The following SLC24A3 variants were observed in gnomAD, a reference collection of about 807,000 sequenced individuals.
The protein encoded by SLC24A3 is solute carrier family 24 member 3.
SLC24A3 carries 28 observed loss-of-function variants against 75.8 expected under a neutral mutation model. The observed-to-expected ratio is 0.37, with a 90% CI of 0.27 to 0.51. The LOEUF is 0.51. Ranked by LOEUF, SLC24A3 falls within the 20% of genes least tolerant of loss-of-function variation. SLC24A3 has a pLI of 0.94. For synonymous variants in SLC24A3, 372 were observed against 334.1 expected (o/e 1.11, Z -1.24); for missense variants, 663 against 847.8 (o/e 0.78, Z 2.71).
At chr20:19,717,451 C>T (rs2033056224) in intron 15 of SLC24A3, 77 bp from the exon 16 acceptor site, 2 of 1,460,334 alleles carry the variant, frequency 1.4e-6, no homozygotes, top group Middle Eastern at 1.8e-4. Flanking sequence ...GTTGCGTAGG[C>T]AGATGCCTTT....
intron 1 of SLC24A3, among the ~76,000 whole-genome samples, chr20:19,253,348 G>A (rs560155507): frequency 6.6e-6 from 1 of 152,172 alleles, no homozygotes; most frequent in Admixed American, 6.5e-5. Context: ...TTAGACTCTG[G>A]GGTCTGATGA....
intron 2 of SLC24A3, among the ~76,000 whole-genome samples, chr20:19,453,274 C>G (rs542086521): frequency 9.9e-5 from 15 of 152,114 alleles, no homozygotes; most frequent in Non-Finnish European, 1.6e-4. Flanking sequence ...TGTTTGAGCC[C>G]AGGAGTTTGA....
rs1985703405 is a variant in SLC24A3 at position 19,357,253 on chromosome 20, GC to G, written c.271+76167del. On this transcript the variant is annotated intron_variant, in intron 2 of 16. Coordinates refer to ENST00000328041, the MANE Select transcript of SLC24A3 (RefSeq NM_020689.4). ...GGCAAGGAACAGATTCCTTCTTAGA[GC>G]TTCTGGAGGGGGCATGGCTCTGCTG... Among the ~76,000 whole-genome samples the G allele has an allele frequency of 2.6e-5, 4 of 152,292 alleles. No individual in the cohort carries two copies. In the South Asian group the frequency reaches 8.3e-4, roughly 32 times the overall value.
At chr20:19,462,251 G>A (rs540942210) in intron 2 of SLC24A3, among the ~76,000 whole-genome samples, 1 of 151,730 alleles carries the variant, frequency 6.6e-6, no homozygotes, top group South Asian at 2.1e-4. Flanking sequence ...GTGGGTGTGG[G>A]GAGGCAGATG....
chr20:19,225,918 T>C (rs1981856370), intron 1 of SLC24A3, among the ~76,000 whole-genome samples: 1 of 152,198 alleles, frequency 6.6e-6, no homozygotes, highest in Admixed American at 6.5e-5. Context: ...GGTTTGTAAT[T>C]CCTTTTTCTT....
At chr20:19,591,329 A>C (rs548501512) in intron 6 of SLC24A3, among the ~76,000 whole-genome samples, 34 of 152,302 alleles carry the variant, frequency 2.2e-4, no homozygotes, top group African/African-American at 5.8e-4. Context: ...GTAACAACAA[A>C]AAAAAAATCC....
intron 2 of SLC24A3, among the ~76,000 whole-genome samples, chr20:19,328,929 C>A (rs1984931522): frequency 6.6e-6 from 1 of 152,174 alleles, no homozygotes; most frequent in Non-Finnish European, 1.5e-5. Context: ...GCAGAGGAGG[C>A]TCGGAGGAGC....
At chr20:19,419,701 C>T (rs1221803569) in intron 2 of SLC24A3, among the ~76,000 whole-genome samples, 1 of 152,038 alleles carries the variant, frequency 6.6e-6, no homozygotes, top group African/African-American at 2.4e-5. Context: ...CCTGCCTTCC[C>T]GTGGGAGGCA....
intron 2 of SLC24A3, among the ~76,000 whole-genome samples, chr20:19,294,503 G>T (rs1407525275): frequency 6.6e-6 from 1 of 152,074 alleles, no homozygotes; most frequent in Non-Finnish European, 1.5e-5. Context: ...TCATTGTTCA[G>T]CTCCTACTTA....
At chr20:19,560,319 C>T (rs1568656214) in intron 3 of SLC24A3, among the ~76,000 whole-genome samples, 1 of 152,222 alleles carries the variant, frequency 6.6e-6, no homozygotes, top group South Asian at 2.1e-4. Flanking sequence ...GTCACTGAGG[C>T]ATCAATTCCT....
rs1310714825 is a variant in SLC24A3 at position 19,454,316 on chromosome 20, G to A, written c.272-61172G>A. Among the ~76,000 whole-genome samples the A allele has an allele frequency of 6.6e-5, 10 of 152,124 alleles. 1 individual carries two copies. The South Asian group carries it at 1.9e-3, about 28-fold the overall frequency. On this transcript the variant is annotated intron_variant, in intron 2 of 16. Coordinates refer to ENST00000328041, the MANE Select transcript of SLC24A3 (RefSeq NM_020689.4). ...ATAATAGATTTAAGGTTCATTGAGGGCATCTTTTGCACTGATAATTTATTT... is the reference window on the plus strand; with the variant it reads ...ATAATAGATTTAAGGTTCATTGAGGACATCTTTTGCACTGATAATTTATTT...
intron 2 of SLC24A3, among the ~76,000 whole-genome samples, chr20:19,286,230 C>T (rs1450821565): frequency 6.6e-6 from 1 of 152,160 alleles, no homozygotes; most frequent in Admixed American, 6.5e-5. Flanking sequence ...CAGCTATTGA[C>T]TGGCCCGAAG....
At chr20:19,225,606 T>G (rs1981848771) in intron 1 of SLC24A3, among the ~76,000 whole-genome samples, 1 of 152,208 alleles carries the variant, frequency 6.6e-6, no homozygotes, top group Non-Finnish European at 1.5e-5. Context: ...ATTCATACCC[T>G]TCTTCCATCT....
At chr20:19,371,454 T>C (rs1326884056) in intron 2 of SLC24A3, among the ~76,000 whole-genome samples, 1 of 152,158 alleles carries the variant, frequency 6.6e-6, no homozygotes, top group Non-Finnish European at 1.5e-5. Context: ...CAAAGCATTA[T>C]GGACAAGACC....
intron 2 of SLC24A3, among the ~76,000 whole-genome samples, chr20:19,512,350 T>A (rs1458740484): frequency 6.6e-6 from 1 of 152,174 alleles, no homozygotes; most frequent in Non-Finnish European, 1.5e-5. Flanking sequence ...TTTGGGCAGC[T>A]TCTGGGTGGA....
At chr20:19,252,647 G>GGA (rs553383258) in intron 1 of SLC24A3, among the ~76,000 whole-genome samples, 1 of 148,088 alleles carries the variant, frequency 6.8e-6, no homozygotes. Context: ...GAATGGCGGG[G>GGA]GGGGGTGCCT....
chr20:19,341,539 G>T (rs1269859022), intron 2 of SLC24A3, among the ~76,000 whole-genome samples: 1 of 152,146 alleles, frequency 6.6e-6, no homozygotes, highest in African/African-American at 2.4e-5. Context: ...AAGGTCATCT[G>T]CTTACTTCAC....
At chr20:19,714,197 G>C (rs941966605) in intron 15 of SLC24A3, among the ~76,000 whole-genome samples, 2 of 152,118 alleles carry the variant, frequency 1.3e-5, no homozygotes, top group African/African-American at 4.8e-5. Flanking sequence ...GAGGCCAGGA[G>C]TTTGAGACCA....
chr20:19,353,363 G>A lies in SLC24A3; in HGVS notation c.271+72276G>A, dbSNP rs1985614522. 2.0e-5 allele frequency among the ~76,000 whole-genome samples: 3 copies of A among 152,250 alleles called. No individual in the cohort carries two copies. In the South Asian group the frequency reaches 6.2e-4, roughly 32 times the overall value. On this transcript the variant is annotated intron_variant, in intron 2 of 16. Transcript: ENST00000328041. ...AAGCTGAAGATTTGATATGAAAGGA[G>A]AGACAGTTTAATCATAGCTATTTAA...
Sources: allele counts gnomAD v4.1 joint callset (sites outside exome capture counted in the v4.1 genomes callset), GRCh38; gene constraint gnomAD v4.1.1; transcripts MANE v1.5; gene names NCBI Gene and HGNC (gene_info 2026-07-23, HGNC 2026-07-21).